ADD2: variants seen among roughly 807,000 people sequenced by gnomAD.
ADD2 encodes the protein adducin 2, also known as beta-adducin.
Under a neutral mutation model 83.0 loss-of-function variants are expected in ADD2, and 23 were observed. The observed-to-expected ratio is 0.28, with a 90% confidence interval of 0.20 to 0.39. The LOEUF (loss-of-function observed/expected upper bound fraction) is 0.39. Among genes scored for constraint, ADD2 ranks in the 10% least tolerant of loss-of-function variants. ADD2 has a pLI of 1.00. For synonymous variants in ADD2, 375 were observed against 375.4 expected, an observed-to-expected ratio of 1.00 and a Z score of 0.01; for missense variants, 758 against 944.9, an observed-to-expected ratio of 0.80 and a Z score of 2.59.
chr2:70,663,913 C>A (rs2104142693), intron 15 of ADD2, among the ~76,000 whole-genome samples, 178 bp from the exon 16 acceptor site: 1 of 152,292 alleles, frequency 6.6e-6, no homozygotes, highest in East Asian at 1.9e-4. Flanking sequence ...TTCTGATCTG[C>A]ACCTTCCATG....
intron 1 of ADD2, among the ~76,000 whole-genome samples, chr2:70,728,437 T>C (rs1187784614): frequency 6.6e-6 from 1 of 152,176 alleles, no homozygotes; most frequent in Non-Finnish European, 1.5e-5. Context: ...GATGCCTGTG[T>C]GAGGAGTCAG....
rs1675385724 is a variant in ADD2, at chr2:70,657,108, C to T, written c.*6317G>A. On this transcript the variant is annotated 3_prime_UTR_variant, in exon 16 of 16. Transcript: ENST00000264436. ...ACGTCAGTGGCTCAAAAAGTGTTAG[C>T]ATAGAGAAAGGCAAAACCATCTGTG... is the stretch of plus-strand genomic sequence containing the variant. 1 of 151,978 alleles carries T rather than the reference C, an allele frequency of 6.6e-6. No individual in the cohort carries two copies. Among genetic ancestry groups the T allele is most frequent in the African/African-American group, 2.4e-5 (1 of 41,366 alleles). 9.4% of individuals were successfully genotyped at this position (151,978 alleles called of 1,614,324 possible).
intron 1 of ADD2, among the ~76,000 whole-genome samples, chr2:70,763,615 A>G (rs1324788137): frequency 2.6e-5 from 4 of 152,044 alleles, no homozygotes; most frequent in Admixed American, 6.5e-5. Context: ...AAATGCCAAA[A>G]CAATGTACAA....
rs1420987691 is a variant in ADD2 at position 70,706,594 on chromosome 2, C to T, written c.-34-152G>A. The stretch of plus-strand genomic sequence containing the variant: ...GCAGAGCCTGGGGAGGAGGGCAGGA[C>T]GCCAGCAGCGGCCCCATATACCCAT... On this transcript the variant is annotated intron_variant, in intron 2 of 15. Transcript: ENST00000264436. The surrounding 1 kb of genome is among the most constrained non-coding windows in gnomAD (Gnocchi z 5.0). Among the ~76,000 whole-genome samples the T allele has an allele frequency of 6.6e-6, 1 of 152,152 alleles. No individual in the cohort carries two copies. Among genetic ancestry groups the T allele is most frequent in the African/African-American group, 2.4e-5 (1 of 41,426 alleles).
intron 1 of ADD2, among the ~76,000 whole-genome samples, chr2:70,713,795 G>C (rs145834672): frequency 6.6e-6 from 1 of 152,058 alleles, no homozygotes; most frequent in Non-Finnish European, 1.5e-5. Flanking sequence ...ACGTGGTGGC[G>C]AGTTGCTGGG....
At chr2:70,731,373 A>T (rs535755798) in intron 1 of ADD2, among the ~76,000 whole-genome samples, 1 of 152,220 alleles carries the variant, frequency 6.6e-6, no homozygotes, top group Admixed American at 6.5e-5. Flanking sequence ...GGCTGACACT[A>T]AAGTATGGGA....
rs577217165 is a variant in ADD2 at position 70,690,998 on chromosome 2, A to G, written c.706-69T>C. 2.7e-4 allele frequency: 408 copies of G among 1,515,786 alleles called. 4 individuals carry two copies. The South Asian group carries it at 3.8e-3, about 14-fold the overall frequency. 93.9% of individuals were successfully genotyped at this position (1,515,786 alleles called of 1,614,324 possible). On this transcript the variant is annotated intron_variant, in intron 7 of 15. Transcript: ENST00000264436. ...CCCTTTCCTCAGAGCAGCACAGTCCAGCTCTACTCTGGGGGCCAGTGAGGG... is the reference window on the plus strand; with the variant it reads ...CCCTTTCCTCAGAGCAGCACAGTCCGGCTCTACTCTGGGGGCCAGTGAGGG...
At chr2:70,719,953 A>G (rs1574285810) in intron 1 of ADD2, among the ~76,000 whole-genome samples, 1 of 150,934 alleles carries the variant, frequency 6.6e-6, no homozygotes, top group African/African-American at 2.4e-5. Context: ...ATCCCCAACC[A>G]CCCCCCACCA....
intron 9 of ADD2, among the ~76,000 whole-genome samples, chr2:70,685,410 C>T (rs541100215): frequency 1.3e-4 from 20 of 152,276 alleles, no homozygotes; most frequent in African/African-American, 4.6e-4. Context: ...ACGCCCTTCT[C>T]GTCCAAGCCA....
intron 1 of ADD2, among the ~76,000 whole-genome samples, chr2:70,727,036 T>C (rs1472912935): frequency 1.1e-4 from 17 of 152,194 alleles, no homozygotes; most frequent in African/African-American, 4.1e-4. Context: ...ACAAAGCTTT[T>C]ATACCATGTT....
At chr2:70,674,912 G>T in intron 13 of ADD2, 87 bp from the exon 14 acceptor site, 1 of 1,528,294 alleles carries the variant, frequency 6.5e-7, no homozygotes. Flanking sequence ...TCATGTGGCT[G>T]CAAGCGGTCT....
intron 13 of ADD2, chr2:70,675,478 G>A (rs953585775): frequency 5.1e-6 from 5 of 985,304 alleles, no homozygotes; most frequent in Non-Finnish European, 6.0e-6. Flanking sequence ...TGGAGCCCGT[G>A]GTTCTAGGGA....
rs1047328900 is a variant in ADD2 at position 70,678,828 on chromosome 2, C to T, written c.1259G>A (p.Arg420Gln). ...CTTCTGCTGCTTCTGGGCATGCTGT[C>T]GCAGGGCGGGCACCGGGGCACCGTC... Reference protein sequence around the residue: ...EEDGAPVPALRQHAQKQQKEK... With the variant: ...EEDGAPVPALQQHAQKQQKEK... Residue 420 changes from arginine (R) to glutamine (Q), a missense_variant, in exon 11 of 16, where the codon CGA (arginine) becomes CAA (glutamine). Arg to Gln is a conservative substitution (Grantham distance 43). Coordinates refer to ENST00000264436, the MANE Select transcript of ADD2 (RefSeq NM_001617.4). 16 of 1,614,054 alleles carry T rather than the reference C, an allele frequency of 9.9e-6. No homozygotes were observed. The highest frequency in any genetic ancestry group is 6.7e-5 in the East Asian group (3 of 44,896).
Position 70,748,293 on chromosome 2 carries a change from A to T in ADD2, c.-154+19593T>A, listed in dbSNP as rs1356612422. ...ATGTCACATATTCAAACACTGATAA[A>T]AAAAAAAAAAAAGGAATCCTTTTTT... On this transcript the variant is annotated intron_variant, in intron 1 of 15. Coordinates refer to ENST00000264436, the MANE Select transcript of ADD2 (RefSeq NM_001617.4). Among the ~76,000 whole-genome samples, 290 of 67,582 alleles carry T rather than the reference A, an allele frequency of 4.3e-3. 1 individual carries two copies. The highest frequency in any genetic ancestry group is 0.018 in the African/African-American group (265 of 15,094). 44.3% of individuals were successfully genotyped at this position (67,582 alleles called of 152,430 possible). A position where few individuals can be genotyped will look rare whatever the true frequency, so the allele number is the denominator to read the frequency against.
chr2:70,725,459 G>T (rs1444218397), intron 1 of ADD2, among the ~76,000 whole-genome samples: 3 of 152,114 alleles, frequency 2.0e-5, no homozygotes, highest in Non-Finnish European at 4.4e-5. Context: ...CTGTGAATGT[G>T]ATCTTATTTA....
chr2:70,691,054 G>A, intron 7 of ADD2, 125 bp from the exon 8 acceptor site: 1 of 1,223,222 alleles, frequency 8.2e-7, no homozygotes, highest in Non-Finnish European at 1.1e-6. Flanking sequence ...GGTGAGGTTG[G>A]GGAGCAGGCA....
intron 1 of ADD2, among the ~76,000 whole-genome samples, chr2:70,732,278 C>T (rs1304345773): frequency 6.6e-6 from 1 of 151,978 alleles, no homozygotes; most frequent in African/African-American, 2.4e-5. Context: ...ATGTAGCCAG[C>T]AACACTCCTT....
chr2:70,676,814 G>C lies in ADD2; in HGVS notation c.1575C>G (p.Ala525=), dbSNP rs201133279. Residue 525 remains alanine, a synonymous_variant, in exon 13 of 16, where the codon GCC becomes GCG. Coordinates refer to ENST00000264436, the MANE Select transcript of ADD2 (RefSeq NM_001617.4). The surrounding 1 kb of genome is among the most constrained non-coding windows in gnomAD (Gnocchi z 4.8). The part of the protein sequence containing the change: ...PQSQLLASVI[A]EKSRSPSTES... ...GCTCTACCGGGCTTCGGCTCTTCTC[G>C]GCAATGACGCTCGCCAGGAGCTGGG... is the stretch of plus-strand genomic sequence containing the variant. 2 of 1,614,186 alleles carry C rather than the reference G, an allele frequency of 1.2e-6. No individual in the cohort carries two copies. The highest frequency in any genetic ancestry group is 4.5e-5 in the East Asian group (2 of 44,890).
At chr2:70,709,039 G>T (rs550642849) in intron 2 of ADD2, among the ~76,000 whole-genome samples, 12 of 152,256 alleles carry the variant, frequency 7.9e-5, no homozygotes, top group African/African-American at 2.9e-4. Context: ...CCAAGTTCCT[G>T]AATCATGCTT....
Sources: allele counts gnomAD v4.1 joint callset (sites outside exome capture counted in the v4.1 genomes callset), GRCh38; gene constraint gnomAD v4.1.1; non-coding constraint Gnocchi (gnomAD v3.1); transcripts MANE v1.5; gene names NCBI Gene and HGNC (gene_info 2026-07-23, HGNC 2026-07-21).